The following CCSER1 variants were observed in gnomAD, a reference collection of about 807,000 sequenced individuals.
CCSER1 encodes serine-rich coiled-coil domain-containing protein 1.
In CCSER1, 41 loss-of-function variants were observed where a neutral mutation model predicts 82.0. The observed-to-expected ratio is 0.50, with a 90% CI of 0.39 to 0.65. The LOEUF (loss-of-function observed/expected upper bound fraction) is 0.65, where lower values mean the gene tolerates loss of function less well. CCSER1 is among the 30% of genes least tolerant of loss of function. CCSER1 has a pLI of 0.00. For missense variants in CCSER1, 1,119 were observed against 1,064.2 expected (o/e 1.05, Z -0.72); for synonymous variants, 414 against 383.9 (o/e 1.08, Z -0.92).
intron 10 of CCSER1, among the ~76,000 whole-genome samples, chr4:91,115,515 T>TG (rs1726478411): frequency 1.3e-5 from 2 of 151,966 alleles, no homozygotes; most frequent in Non-Finnish European, 2.9e-5. Context: ...TTAGTAGAGA[T>TG]GGAGTTTCAC....
rs113975510 is a variant in CCSER1 at position 91,169,358 on chromosome 4, C to T, written c.2217+83364C>T. Among the ~76,000 whole-genome samples, 1,331 of 152,184 alleles carry T rather than the reference C, an allele frequency of 8.7e-3. 19 individuals are homozygous for T. The highest frequency in any genetic ancestry group is 0.03 in the African/African-American group (1,245 of 41,520). On this transcript the variant is annotated intron_variant, in intron 10 of 10. Coordinates refer to ENST00000509176, the MANE Select transcript of CCSER1 (RefSeq NM_001145065.2). ...GTATTTGGCCAGGCATGGTGTCTCA[C>T]GCCTATAATCCCAGCACTTTGGGAG...
chr4:90,364,533 A>AT (rs1745934448), intron 3 of CCSER1, among the ~76,000 whole-genome samples: 1 of 152,102 alleles, frequency 6.6e-6, no homozygotes, highest in African/African-American at 2.4e-5. Context: ...CCAAATATAT[A>AT]TTTATCAAAA....
At chr4:90,721,416 G>A (rs2149365789) in intron 6 of CCSER1, among the ~76,000 whole-genome samples, 1 of 151,810 alleles carries the variant, frequency 6.6e-6, no homozygotes, top group Admixed American at 6.6e-5. Context: ...TGAGATATTT[G>A]CTGCTTTTAG....
At chr4:90,443,069 A>G (rs920314345) in intron 4 of CCSER1, among the ~76,000 whole-genome samples, 1 of 152,162 alleles carries the variant, frequency 6.6e-6, no homozygotes, top group Non-Finnish European at 1.5e-5. Context: ...TGTTTAACTT[A>G]ATTAGGCACA....
At chr4:90,593,341 A>G (rs972428188) in intron 5 of CCSER1, among the ~76,000 whole-genome samples, 1 of 152,142 alleles carries the variant, frequency 6.6e-6, no homozygotes, top group African/African-American at 2.4e-5. Context: ...AAAGAATTAG[A>G]TGAAAATGCA....
At chr4:91,295,402 T>G (rs1345804774) in intron 10 of CCSER1, among the ~76,000 whole-genome samples, 1 of 151,898 alleles carries the variant, frequency 6.6e-6, no homozygotes, top group Non-Finnish European at 1.5e-5. Context: ...GGCAAAATTT[T>G]TACTACAGTT....
chr4:90,139,528 G>A (rs1028261322), intron 1 of CCSER1, among the ~76,000 whole-genome samples: 9 of 151,450 alleles, frequency 5.9e-5, no homozygotes, highest in Non-Finnish European at 7.4e-5. Context: ...TTTTTTTCAC[G>A]TATTGCCAAC....
At chr4:90,471,474 GTTTA>G (rs927320530) in intron 5 of CCSER1, among the ~76,000 whole-genome samples, 4 of 151,964 alleles carry the variant, frequency 2.6e-5, no homozygotes, top group African/African-American at 9.7e-5. Flanking sequence ...CTTAACCTTA[GTTTA>G]TTTGTTTCTT....
chr4:90,556,472 A>G (rs1012246676), intron 5 of CCSER1, among the ~76,000 whole-genome samples: 8 of 152,098 alleles, frequency 5.3e-5, no homozygotes, highest in Non-Finnish European at 1.2e-4. Context: ...ACGCTTGTGC[A>G]GTCAAAAATC....
intron 1 of CCSER1, among the ~76,000 whole-genome samples, chr4:90,154,754 G>T (rs1727688167): frequency 6.8e-6 from 1 of 147,776 alleles, no homozygotes; most frequent in Admixed American, 6.7e-5. Flanking sequence ...TGCTGAAGTT[G>T]CTTATCAGCT....
At position 90,794,739 on chromosome 4, in the gene CCSER1, A is replaced by C. The variant is rs561963506; in HGVS notation, c.2011-21023A>C. 2.6e-5 allele frequency among the ~76,000 whole-genome samples: 4 copies of C among 152,306 alleles called. No individual in the cohort carries two copies. The East Asian group carries it at 7.7e-4, about 29-fold the overall frequency. On this transcript the variant is annotated intron_variant, in intron 7 of 10. Coordinates refer to ENST00000509176, the MANE Select transcript of CCSER1 (RefSeq NM_001145065.2). ...GGTAGATTAATAGGAATAGCATTGA[A>C]TCAGTAAATTGCTTTGGGCACTATG...
intron 1 of CCSER1, among the ~76,000 whole-genome samples, chr4:90,206,842 T>A (rs1183635271): frequency 3.3e-5 from 5 of 151,354 alleles, no homozygotes; most frequent in African/African-American, 7.3e-5. Flanking sequence ...TCTAAGAACT[T>A]GCTTTTTGAA....
At chr4:90,315,187 A>C (rs1042556990) in intron 3 of CCSER1, among the ~76,000 whole-genome samples, 3 of 152,064 alleles carry the variant, frequency 2.0e-5, no homozygotes, top group East Asian at 1.9e-4. Context: ...TTAAGAAACA[A>C]AAGTGGTTTT....
chr4:90,332,301 A>AT lies in CCSER1; in HGVS notation c.1509+19258dup, dbSNP rs1183797932. ...GCCCAGGCTGGAGTGCAGTGGCTTG[A>AT]TTTTGGCTCACTGCAACCTCCGCCT... On this transcript the variant is annotated intron_variant, in intron 3 of 10. Coordinates refer to ENST00000509176, the MANE Select transcript of CCSER1 (RefSeq NM_001145065.2). Among the ~76,000 whole-genome samples, 3 of 149,640 alleles carry AT rather than the reference A, an allele frequency of 2.0e-5. No individual in the cohort carries two copies. The East Asian group carries it at 6.0e-4, about 30-fold the overall frequency.
intron 3 of CCSER1, among the ~76,000 whole-genome samples, chr4:90,377,655 G>T (rs1396205438): frequency 6.6e-6 from 1 of 151,954 alleles, no homozygotes; most frequent in Non-Finnish European, 1.5e-5. Context: ...TTTTGGAAAC[G>T]TAAATATTAC....
chr4:91,040,689 T>A (rs547578509), intron 9 of CCSER1, among the ~76,000 whole-genome samples: 2 of 152,164 alleles, frequency 1.3e-5, no homozygotes, highest in African/African-American at 4.8e-5. Context: ...TAACCCAAGA[T>A]TTTCAAACAG....
intron 8 of CCSER1, among the ~76,000 whole-genome samples, chr4:90,897,032 CT>C (rs893046839): frequency 1.1e-4 from 16 of 151,670 alleles, no homozygotes; most frequent in African/African-American, 3.9e-4. Context: ...CAAATTTTTC[CT>C]TTTTTCTCTG....
intron 9 of CCSER1, among the ~76,000 whole-genome samples, chr4:91,047,169 G>C (rs374608004): frequency 3.3e-5 from 5 of 151,178 alleles, no homozygotes; most frequent in African/African-American, 7.4e-5. Flanking sequence ...TAAGAAGTGA[G>C]AGTTGCAGTG....
intron 8 of CCSER1, among the ~76,000 whole-genome samples, chr4:90,837,519 A>T (rs1378600997): frequency 6.6e-6 from 1 of 152,190 alleles, no homozygotes; most frequent in African/African-American, 2.4e-5. Context: ...CTATTTCATC[A>T]TATTACTATG....
Sources: gnomAD v4.1 joint callset for allele counts (sites outside exome capture counted in the v4.1 genomes callset) on GRCh38, gnomAD v4.1.1 for gene constraint, MANE v1.5 for transcripts, NCBI Gene and HGNC (gene_info 2026-07-23, HGNC 2026-07-21) for gene names.